Variants in PSPC1 observed in about 807,000 individuals in gnomAD.
PSPC1 encodes paraspeckle protein 1.
Under a neutral mutation model 51.6 loss-of-function variants are expected in PSPC1, and 14 were observed. The observed-to-expected ratio is 0.27, with a 90% CI of 0.18 to 0.42. The LOEUF is 0.42. Ranked by LOEUF, PSPC1 falls within the 10% of genes least tolerant of loss-of-function variation. PSPC1 has a pLI of 1.00. For synonymous variants in PSPC1, 193 were observed against 231.9 expected, an observed-to-expected ratio of 0.83 and a Z score of 1.53; for missense variants, 406 against 701.1, an observed-to-expected ratio of 0.58 and a Z score of 4.75.
intron 6 of PSPC1, among the ~76,000 whole-genome samples, chr13:19,722,018 G>T (rs74035409): frequency 0.012 from 1,835 of 152,262 alleles, 24 homozygotes; most frequent in Middle Eastern, 0.048. Context: ...TAACTGAGCT[G>T]CATTGGCATT....
intron 6 of PSPC1, 141 bp from the exon 7 acceptor site, chr13:19,709,740 A>G (rs559284780): frequency 4.2e-5 from 29 of 696,040 alleles, no homozygotes; most frequent in South Asian, 3.2e-4. Context: ...CATAAACTTA[A>G]TAAGAATGCT....
At chr13:19,741,680 TTA>T (rs747636393) in intron 4 of PSPC1, 31 bp from the exon 5 acceptor site, 3 of 1,402,326 alleles carry the variant, frequency 2.1e-6, no homozygotes, top group East Asian at 2.3e-5. Context: ...ATTAATATTT[TTA>T]GTTTCCCTTT....
At chr13:19,731,260 C>T (rs1296530410) in intron 5 of PSPC1, among the ~76,000 whole-genome samples, 2 of 152,112 alleles carry the variant, frequency 1.3e-5, no homozygotes, top group African/African-American at 4.8e-5. Context: ...GAGGAAAAAT[C>T]TATATAGTAA....
At chr13:19,678,532 A>T (rs1876915718) in intron 6 of PSPC1, 1 of 152,228 alleles carries the variant, frequency 6.6e-6, no homozygotes, top group South Asian at 2.1e-4. Flanking sequence ...TGATCCAAAA[A>T]TATTGGAAAT....
intron 6 of PSPC1, among the ~76,000 whole-genome samples, chr13:19,712,264 C>T (rs998016923): frequency 9.2e-5 from 14 of 152,246 alleles, no homozygotes; most frequent in African/African-American, 3.4e-4. Context: ...AATTCAATAT[C>T]TAACCACTAA....
At chr13:19,749,996 A>G (rs554729721) in intron 4 of PSPC1, among the ~76,000 whole-genome samples, 177 of 152,306 alleles carry the variant, frequency 1.2e-3, no homozygotes, top group Non-Finnish European at 2.1e-3. Context: ...ATAAGTGCTC[A>G]ATAAACATTT....
rs564547490 is a variant in PSPC1, at chr13:19,742,379, G to A, written c.968-730C>T. Among the ~76,000 whole-genome samples the A allele has an allele frequency of 5.3e-5, 8 of 152,184 alleles. No homozygotes were observed. The South Asian group carries it at 1.2e-3, about 24-fold the overall frequency. On this transcript the variant is annotated intron_variant, in intron 4 of 8. Coordinates refer to ENST00000338910, the MANE Select transcript of PSPC1 (RefSeq NM_001354909.2). ...AGCACTTTGGGAGGCCGAGGCAGGC[G>A]GATCACTTCGGCCGAGGAGTTCGAG...
At chr13:19,739,996 C>G (rs369145434) in intron 5 of PSPC1, among the ~76,000 whole-genome samples, 14 of 152,102 alleles carry the variant, frequency 9.2e-5, no homozygotes, top group African/African-American at 3.4e-4. Context: ...GACTACATTC[C>G]TAACAGTTCC....
At chr13:19,744,361 A>G (rs1205320413) in intron 4 of PSPC1, among the ~76,000 whole-genome samples, 1 of 152,142 alleles carries the variant, frequency 6.6e-6, no homozygotes, top group Non-Finnish European at 1.5e-5. Flanking sequence ...AAATTATCAA[A>G]TAAGCACAAT....
In PSPC1 at chr13:19,772,292, A is replaced by G; in HGVS notation, c.624T>C (p.Pro208=). ...CACATCTTTCCAGAGCCTTTCGTGCAGGAGGTTTTGCTGCAAACTCTACAA... is the reference window on the plus strand; with the variant it reads ...CACATCTTTCCAGAGCCTTTCGTGCGGGAGGTTTTGCTGCAAACTCTACAA... The part of the protein sequence containing the change: ...KGFVEFAAKP[P]ARKALERCGD... Residue 208 remains proline, a synonymous_variant, in exon 2 of 9, where the codon CCT becomes CCC. Coordinates refer to ENST00000338910, the MANE Select transcript of PSPC1 (RefSeq NM_001354909.2). 1 of 1,614,222 alleles carries G rather than the reference A, an allele frequency of 6.2e-7. No homozygotes were observed. Among genetic ancestry groups the G allele is most frequent in the South Asian group, 1.1e-5 (1 of 91,092 alleles).
intron 6 of PSPC1, chr13:19,678,045 C>T (rs1282797747): frequency 3.0e-6 from 1 of 337,036 alleles, no homozygotes; most frequent in Non-Finnish European, 5.8e-6. Context: ...AAATCAGCTT[C>T]ATTTTATCTT....
chr13:19,766,577 C>T (rs114900698), intron 2 of PSPC1, among the ~76,000 whole-genome samples: 4,833 of 152,036 alleles, frequency 0.032, 89 homozygotes, highest in Middle Eastern at 0.075. Flanking sequence ...CCCAGCTACT[C>T]GGAAGGCTGA....
chr13:19,724,114 C>T (rs1165982135), intron 6 of PSPC1, among the ~76,000 whole-genome samples: 4 of 152,140 alleles, frequency 2.6e-5, no homozygotes, highest in Admixed American at 6.5e-5. Context: ...GAAGTTTAGA[C>T]TTCAAAAAAC....
intron 2 of PSPC1, among the ~76,000 whole-genome samples, chr13:19,761,943 GA>G (rs1887635547): frequency 6.6e-6 from 1 of 152,010 alleles, no homozygotes; most frequent in Non-Finnish European, 1.5e-5. Context: ...AATTAAGAGG[GA>G]AAAATGAACT....
chr13:19,760,512 A>G (rs896783713), intron 2 of PSPC1, among the ~76,000 whole-genome samples: 6 of 150,834 alleles, frequency 4.0e-5, no homozygotes, highest in Admixed American at 2.7e-4. Context: ...TGGGCGACAG[A>G]GTGAGACTCT....
rs546096665 is a variant in PSPC1 at position 19,727,406 on chromosome 13, A to T, written c.1158+2833T>A. The stretch of plus-strand genomic sequence containing the variant: ...TGAAACTCTGCCTCAATAAATAAAT[A>T]AAAAAAAAAAGAAACTTCTCAAATT... On this transcript the variant is annotated intron_variant, in intron 6 of 8. Transcript: ENST00000338910. Among the ~76,000 whole-genome samples, 61 of 143,068 alleles carry T rather than the reference A, an allele frequency of 4.3e-4. No individual in the cohort carries two copies. The Middle Eastern group carries it at 0.014, about 33-fold the overall frequency. The allele number at this position is 143,068 out of a possible 152,430, so 93.9% of individuals were successfully genotyped here. A position where few individuals can be genotyped will look rare whatever the true frequency, so the allele number is the denominator to read the frequency against.
chr13:19,748,024 A>G (rs915047538), intron 4 of PSPC1, among the ~76,000 whole-genome samples: 2 of 152,092 alleles, frequency 1.3e-5, no homozygotes, highest in Admixed American at 6.6e-5. Flanking sequence ...AACCAGCTTG[A>G]CCAACATGAT....
intron 2 of PSPC1, among the ~76,000 whole-genome samples, chr13:19,767,296 C>T (rs1411453071): frequency 2.0e-5 from 3 of 151,986 alleles, no homozygotes; most frequent in Admixed American, 1.3e-4. Flanking sequence ...AGATATAGCA[C>T]GAATTTCAGT....
At chr13:19,707,137 T>C (rs1158024088) in intron 7 of PSPC1, among the ~76,000 whole-genome samples, 1 of 152,194 alleles carries the variant, frequency 6.6e-6, no homozygotes, top group Non-Finnish European at 1.5e-5. Flanking sequence ...TTCTCTTTAA[T>C]GGAATGTAAT....
Sources: allele counts gnomAD v4.1 joint callset (sites outside exome capture counted in the v4.1 genomes callset), GRCh38; gene constraint gnomAD v4.1.1; transcripts MANE v1.5; gene names NCBI Gene and HGNC (gene_info 2026-07-23, HGNC 2026-07-21).